Variants in RNF149 observed in about 807,000 individuals in gnomAD.
The protein encoded by RNF149 is ring finger protein 149, also known as E3 ubiquitin-protein ligase RNF149.
In RNF149, 21 loss-of-function variants were observed where a neutral mutation model predicts 39.0. The ratio of observed to expected loss-of-function variants is 0.54; its 90% CI spans 0.38 to 0.77. The LOEUF (loss-of-function observed/expected upper bound fraction) is 0.77. Among genes scored for constraint, RNF149 ranks in the 30% least tolerant of loss-of-function variants. RNF149 has a pLI of 0.00. For synonymous variants in RNF149, 209 were observed against 213.6 expected, an observed-to-expected ratio of 0.98 and a Z score of 0.19; for missense variants, 493 against 534.9, an observed-to-expected ratio of 0.92 and a Z score of 0.77.
chr2:101,302,455 G>A (rs934540209), intron 1 of RNF149, among the ~76,000 whole-genome samples: 6 of 152,068 alleles, frequency 3.9e-5, no homozygotes, highest in East Asian at 1.9e-4. Context: ...GGACCCCAAC[G>A]TAAGTGCAAT....
At chr2:101,299,867 T>G (rs575388005) in intron 1 of RNF149, among the ~76,000 whole-genome samples, 33 of 152,306 alleles carry the variant, frequency 2.2e-4, no homozygotes, top group African/African-American at 7.9e-4. Context: ...AAAAAGCCAG[T>G]TCTAAAGTCT....
intron 1 of RNF149, among the ~76,000 whole-genome samples, chr2:101,301,993 G>A (rs188948794): frequency 2.6e-5 from 4 of 152,242 alleles, no homozygotes; most frequent in Admixed American, 2.0e-4. Flanking sequence ...TAAACTTCCA[G>A]GTTTTCTTTT....
chr2:101,303,022 CA>C (rs1683514653), intron 1 of RNF149, among the ~76,000 whole-genome samples: 1 of 151,394 alleles, frequency 6.6e-6, no homozygotes, highest in Admixed American at 6.6e-5. Context: ...CAAAACCAAC[CA>C]AAAAACCCTC....
intron 6 of RNF149, among the ~76,000 whole-genome samples, chr2:101,280,540 C>A (rs965477908): frequency 6.6e-6 from 1 of 152,048 alleles, no homozygotes; most frequent in Admixed American, 6.5e-5. Flanking sequence ...GAAAGACCTT[C>A]CTAAGTCAGC....
chr2:101,290,686 C>T (rs1382660661), intron 3 of RNF149, among the ~76,000 whole-genome samples: 1 of 152,182 alleles, frequency 6.6e-6, no homozygotes, highest in Non-Finnish European at 1.5e-5. Context: ...AGTTACCTCA[C>T]TAGTGATTAA....
At chr2:101,303,885 C>T (rs1278467057) in intron 1 of RNF149, among the ~76,000 whole-genome samples, 1 of 152,202 alleles carries the variant, frequency 6.6e-6, no homozygotes, top group Non-Finnish European at 1.5e-5. Flanking sequence ...CAAGCCTTGC[C>T]AGTACTTGGC....
intron 1 of RNF149, among the ~76,000 whole-genome samples, chr2:101,296,797 T>C (rs1051617731): frequency 6.6e-6 from 1 of 152,080 alleles, no homozygotes; most frequent in Non-Finnish European, 1.5e-5. Flanking sequence ...AAAATACATA[T>C]TGACGAAAAA....
At chr2:101,302,340 A>G (rs2177997) in intron 1 of RNF149, among the ~76,000 whole-genome samples, 58,869 of 152,010 alleles carry the variant, frequency 0.39, 12,029 homozygotes, top group East Asian at 0.53. Context: ...GAGATTCCCT[A>G]GCAGGTGAAT....
intron 1 of RNF149, among the ~76,000 whole-genome samples, chr2:101,307,326 C>A (rs1393207388): frequency 6.6e-6 from 1 of 152,096 alleles, no homozygotes; most frequent in African/African-American, 2.4e-5. Context: ...AGACTACGGG[C>A]GGGCGCCACC....
Position 101,286,127 on chromosome 2 carries a change from G to C in RNF149, c.914C>G (p.Thr305Arg). 6.2e-7 allele frequency: 1 copy of C among 1,612,546 alleles called. No individual in the cohort carries two copies. The highest frequency in any genetic ancestry group is 8.5e-7 in the Non-Finnish European group (1 of 1,178,766). The change falls in exon 5 of 7, where the codon ACA (threonine) becomes AGA (arginine). Residue 305 changes from threonine (T) to arginine (R), a missense_variant. Coordinates refer to ENST00000295317, the MANE Select transcript of RNF149 (RefSeq NM_173647.4). ...GACATCAAGTTTACACATTGGACAT[G>C]TTCGGTGATCCAAAAGCCATGGGTC... The part of the protein sequence containing the change: ...CIDPWLLDHR[T>R]CPMCKLDVIK...
At position 101,306,264 on chromosome 2, in the gene RNF149, C is replaced by T. The variant is rs114689007; in HGVS notation, c.460+1865G>A. Reference sequence around the variant, plus strand: ...ATTTGAAAAAAAGTCTACATTAAGACGGGTGTATAAGAACCCAGCATCAGA... The same window carrying T: ...ATTTGAAAAAAAGTCTACATTAAGATGGGTGTATAAGAACCCAGCATCAGA... On this transcript the variant is annotated intron_variant, in intron 1 of 6. Coordinates refer to ENST00000295317, the MANE Select transcript of RNF149 (RefSeq NM_173647.4). Among the ~76,000 whole-genome samples, 951 of 152,232 alleles carry T rather than the reference C, an allele frequency of 6.2e-3. 3 individuals carry two copies. Among genetic ancestry groups the T allele is most frequent in the African/African-American group, 0.022 (906 of 41,532 alleles).
chr2:101,305,870 A>C (rs1355198590), intron 1 of RNF149, among the ~76,000 whole-genome samples: 2 of 152,148 alleles, frequency 1.3e-5, no homozygotes, highest in Non-Finnish European at 2.9e-5. Context: ...ACCTTCCTTA[A>C]AGGCTGTTGG....
At chr2:101,287,639 A>G (rs1160089446) in intron 4 of RNF149, among the ~76,000 whole-genome samples, 1 of 152,244 alleles carries the variant, frequency 6.6e-6, no homozygotes, top group African/African-American at 2.4e-5. Flanking sequence ...ATAACTTTCT[A>G]CATGACATGA....
chr2:101,277,305 C>T (rs201109751), intron 6 of RNF149, 24 bp from the exon 7 acceptor site: 18 of 1,605,788 alleles, frequency 1.1e-5, no homozygotes, highest in Non-Finnish European at 1.5e-5. Flanking sequence ...ACATAAGCTA[C>T]TCCATCAGAA....
intron 1 of RNF149, among the ~76,000 whole-genome samples, chr2:101,298,209 T>G (rs1683317272): frequency 6.6e-6 from 1 of 152,028 alleles, no homozygotes; most frequent in African/African-American, 2.4e-5. Flanking sequence ...GGCGGATGGA[T>G]CAGGAGTTTG....
intron 5 of RNF149, among the ~76,000 whole-genome samples, chr2:101,284,470 A>C (rs903776263): frequency 2.6e-5 from 4 of 152,020 alleles, no homozygotes; most frequent in Admixed American, 6.6e-5. Context: ...AATCTCAGCT[A>C]CTTGGGAGGC....
chr2:101,289,756 G>C (rs900226567), intron 3 of RNF149, among the ~76,000 whole-genome samples: 1 of 151,228 alleles, frequency 6.6e-6, no homozygotes, highest in African/African-American at 2.4e-5. Context: ...TGCTCAGGCT[G>C]GTCTCGAACT....
In RNF149 at chr2:101,293,999, C is replaced by A; in HGVS notation, c.780+15G>T. ...TCTAAACCACAAAACAAAAGAAAAA[C>A]CATGAAAATATTACCTTTTCTCCAT... On this transcript the variant is annotated intron_variant, in intron 3 of 6. Coordinates refer to ENST00000295317, the MANE Select transcript of RNF149 (RefSeq NM_173647.4). 6.8e-7 allele frequency: 1 copy of A among 1,472,838 alleles called. No homozygotes were observed. The highest frequency in any genetic ancestry group is 9.4e-7 in the Non-Finnish European group (1 of 1,062,630). 91.2% of individuals were successfully genotyped at this position (1,472,838 alleles called of 1,614,324 possible).
chr2:101,284,941 C>A (rs1026072549), intron 5 of RNF149, among the ~76,000 whole-genome samples: 4 of 152,176 alleles, frequency 2.6e-5, no homozygotes, highest in Non-Finnish European at 4.4e-5. Flanking sequence ...ATTGCCCAGG[C>A]TGGAGTGCAG....
Sources: allele counts gnomAD v4.1 joint callset (sites outside exome capture counted in the v4.1 genomes callset), GRCh38; gene constraint gnomAD v4.1.1; transcripts MANE v1.5; gene names NCBI Gene and HGNC (gene_info 2026-07-23, HGNC 2026-07-21).